Variants in CCNE2 observed in about 807,000 individuals in gnomAD.
The protein encoded by CCNE2 is G1/S-specific cyclin-E2.
CCNE2 carries 18 observed loss-of-function variants against 56.8 expected under a neutral mutation model. The observed-to-expected ratio is 0.32, with a 90% CI of 0.22 to 0.47. The LOEUF is 0.47. Ranked by LOEUF, CCNE2 falls within the 20% of genes least tolerant of loss-of-function variation. The pLI, the probability that CCNE2 is intolerant of heterozygous loss-of-function variation, is 1.00. For missense variants in CCNE2, 371 were observed against 467.1 expected, an observed-to-expected ratio of 0.79 and a Z score of 1.90; for synonymous variants, 139 against 149.2, an observed-to-expected ratio of 0.93 and a Z score of 0.50.
In CCNE2 at chr8:94,894,317, G is replaced by T. The variant is rs974526674; in HGVS notation, c.-26-70C>A. The T allele has an allele frequency of 9.2e-6, 14 of 1,528,004 alleles. No individual in the cohort carries two copies. The African/African-American group carries it at 9.6e-5, about 10-fold the overall frequency. The allele number at this position is 1,528,004 out of a possible 1,614,324, so 94.7% of individuals were successfully genotyped here. On this transcript the variant is annotated intron_variant, in intron 1 of 11. Coordinates refer to ENST00000308108, the MANE Select transcript of CCNE2 (RefSeq NM_057749.3). ...CACATTCTCCAAGTGCCAGTAAGAC[G>T]CTGATTCGCAGGTGAAAGCTCAGTC... is the stretch of plus-strand genomic sequence containing the variant.
chr8:94,894,898 G>A (rs888488485), intron 1 of CCNE2, among the ~76,000 whole-genome samples: 8 of 152,176 alleles, frequency 5.3e-5, no homozygotes, highest in African/African-American at 1.7e-4. Flanking sequence ...TCCCCATGGA[G>A]GGGACCCGGC....
At chr8:94,883,635 C>A in intron 9 of CCNE2, 1 of 244,696 alleles carries the variant, frequency 4.1e-6, no homozygotes. Flanking sequence ...ATTTTATAGG[C>A]TGATTCTTGA....
intron 9 of CCNE2, chr8:94,884,806 C>A: frequency 3.4e-6 from 1 of 296,512 alleles, no homozygotes; most frequent in Non-Finnish European, 6.3e-6. Flanking sequence ...AAATGCTTTT[C>A]CCCATTTTAT....
At chr8:94,881,805 G>A in intron 11 of CCNE2, 60 bp from the exon 12 acceptor site, 1 of 1,596,564 alleles carries the variant, frequency 6.3e-7, no homozygotes, top group South Asian at 1.1e-5. Flanking sequence ...CAGACTTCTG[G>A]GTACTTATTT....
intron 4 of CCNE2, 47 bp downstream of exon 4, chr8:94,893,844 T>C: frequency 6.6e-7 from 1 of 1,513,806 alleles, no homozygotes; most frequent in South Asian, 1.1e-5. Context: ...CTTATTCATC[T>C]ATCCTCCATT....
intron 6 of CCNE2, among the ~76,000 whole-genome samples, 163 bp downstream of exon 6, chr8:94,890,252 G>C (rs1355807367): frequency 1.3e-5 from 2 of 152,162 alleles, no homozygotes; most frequent in African/African-American, 4.8e-5. Flanking sequence ...CTCTTATAGA[G>C]TCACTTTCCA....
intron 6 of CCNE2, among the ~76,000 whole-genome samples, chr8:94,889,929 A>G (rs1010362120): frequency 6.6e-6 from 1 of 152,210 alleles, no homozygotes; most frequent in African/African-American, 2.4e-5. Context: ...AGAATATAAT[A>G]AAGAGAAGGT....
At position 94,880,434 on chromosome 8, in the gene CCNE2, G is replaced by T; in HGVS notation, c.*1198C>A. 1 of 354,692 alleles carries T rather than the reference G, an allele frequency of 2.8e-6. No individual in the cohort carries two copies. Among genetic ancestry groups the T allele is most frequent in the Non-Finnish European group, 5.0e-6 (1 of 198,890 alleles). The allele number at this position is 354,692 out of a possible 1,614,324, so 22.0% of individuals were successfully genotyped here. On this transcript the variant is annotated 3_prime_UTR_variant, in exon 12 of 12. Transcript: ENST00000308108. ...ACAATAAATGTATAGTTTCTTCAAA[G>T]GGAGAAGAGATTCACATATCTGATA...
At position 94,894,361 on chromosome 8, in the gene CCNE2, GC is replaced by G. The variant is rs576668435; in HGVS notation, c.-26-115del. ...CTCAGTCCCTCCGAAGGGGGCCTGG[GC>G]CCTGTGACCCTGCCATCTTCTGTGC... On this transcript the variant is annotated intron_variant, in intron 1 of 11. Coordinates refer to ENST00000308108, the MANE Select transcript of CCNE2 (RefSeq NM_057749.3). The G allele has an allele frequency of 2.1e-4, 202 of 973,190 alleles. No homozygotes were observed. In the African/African-American group the frequency reaches 2.9e-3, roughly 14 times the overall value. 60.3% of individuals were successfully genotyped at this position (973,190 alleles called of 1,614,324 possible).
intron 5 of CCNE2, chr8:94,891,373 A>G: frequency 4.0e-6 from 1 of 247,452 alleles, no homozygotes; most frequent in African/African-American, 2.3e-5. Flanking sequence ...GAAAAACCAC[A>G]AAGTGGCCGG....
intron 9 of CCNE2, among the ~76,000 whole-genome samples, chr8:94,884,151 G>A (rs1029497008): frequency 3.3e-5 from 5 of 152,146 alleles, no homozygotes; most frequent in Non-Finnish European, 5.9e-5. Flanking sequence ...TAATGTGCTA[G>A]ATTTAAGCAC....
chr8:94,884,083 A>C (rs926239730), intron 9 of CCNE2, among the ~76,000 whole-genome samples: 1 of 152,228 alleles, frequency 6.6e-6, no homozygotes, highest in African/African-American at 2.4e-5. Context: ...TTTAATAAAA[A>C]GTTTTATAAA....
upstream of CCNE2, chr8:94,895,237 G>C: frequency 1.0e-6 from 1 of 985,594 alleles, no homozygotes; most frequent in Non-Finnish European, 1.2e-6. Flanking sequence ...TATAGGCCGG[G>C]CCGGTCCCGC....
rs930397760 is a variant in CCNE2 at position 94,880,406 on chromosome 8, G to A, written c.*1226C>T. On this transcript the variant is annotated 3_prime_UTR_variant, in exon 12 of 12. Transcript: ENST00000308108. Reference sequence around the variant, plus strand: ...CAAACTATACAGAAGACTTCATACCGTAACAATAAATGTATAGTTTCTTCA... The same window carrying A: ...CAAACTATACAGAAGACTTCATACCATAACAATAAATGTATAGTTTCTTCA... The A allele has an allele frequency of 2.2e-5, 9 of 404,576 alleles. No homozygotes were observed. Among genetic ancestry groups the A allele is most frequent in the Non-Finnish European group, 3.1e-5 (7 of 226,848 alleles). The allele number at this position is 404,576 out of a possible 1,614,324, so 25.1% of individuals were successfully genotyped here.
chr8:94,890,838 C>A (rs1817214720), intron 5 of CCNE2, among the ~76,000 whole-genome samples: 1 of 152,022 alleles, frequency 6.6e-6, no homozygotes, highest in South Asian at 2.1e-4. Context: ...AAGTGATCGA[C>A]CTGCCTCAGC....
Position 94,890,444 on chromosome 8 carries a change from T to C in CCNE2, c.424A>G (p.Arg142Gly). Residue 142 changes from arginine to glycine, a missense_variant, in exon 6 of 12, where the codon AGG (arginine) becomes GGG (glycine). Arg to Gly is a moderately radical substitution (Grantham distance 125). Transcript: ENST00000308108. ...VLHSDLEPQMRSILLDWLLEV... is the reference protein window; with the variant it reads ...VLHSDLEPQMGSILLDWLLEV... ...AAAAGCCAGTCTAGAAGTATGGACC[T>C]CATCTGTGGTTCCAAGTCAGAATGC... The C allele has an allele frequency of 6.2e-7, 1 of 1,608,140 alleles. No homozygotes were observed. The highest frequency in any genetic ancestry group is 8.5e-7 in the Non-Finnish European group (1 of 1,177,232).
intron 4 of CCNE2, 185 bp downstream of exon 4, chr8:94,893,706 C>A (rs1349900567): frequency 3.2e-6 from 2 of 616,324 alleles, no homozygotes; most frequent in African/African-American, 1.9e-5. Context: ...ACTTATTCTG[C>A]AGCTGTAGTA....
At chr8:94,890,236 G>C (rs913357084) in intron 6 of CCNE2, among the ~76,000 whole-genome samples, 179 bp downstream of exon 6, 1 of 152,146 alleles carries the variant, frequency 6.6e-6, no homozygotes, top group African/African-American at 2.4e-5. Flanking sequence ...CTTTGTCATG[G>C]TTTTACTCTT....
In CCNE2 at chr8:94,890,448, C is replaced by T; in HGVS notation, c.420G>A (p.Gln140=). The part of the protein sequence containing the change: ...FEVLHSDLEP[Q]MRSILLDWLL... The stretch of plus-strand genomic sequence containing the variant: ...GCCAGTCTAGAAGTATGGACCTCAT[C>T]TGTGGTTCCAAGTCAGAATGCAGAA... Residue 140 remains glutamine, a synonymous_variant, in exon 6 of 12, where the codon CAG becomes CAA. Coordinates refer to ENST00000308108, the MANE Select transcript of CCNE2 (RefSeq NM_057749.3). The T allele has an allele frequency of 1.2e-6, 2 of 1,608,882 alleles. No homozygotes were observed. The highest frequency in any genetic ancestry group is 1.7e-6 in the Non-Finnish European group (2 of 1,177,580).
Sources: gnomAD v4.1 joint callset for allele counts (sites outside exome capture counted in the v4.1 genomes callset) on GRCh38, gnomAD v4.1.1 for gene constraint, MANE v1.5 for transcripts, NCBI Gene and HGNC (gene_info 2026-07-23, HGNC 2026-07-21) for gene names.